Variants in KPNA3 observed in about 807,000 individuals in gnomAD.
KPNA3 encodes importin subunit alpha-4.
In KPNA3, 13 loss-of-function variants were observed where a neutral mutation model predicts 73.8. The ratio of observed to expected loss-of-function variants is 0.18; its 90% CI spans 0.11 to 0.28. The LOEUF is 0.28. KPNA3 is among the 10% of genes least tolerant of loss of function. KPNA3 has a pLI of 1.00. For missense variants in KPNA3, 360 were observed against 618.1 expected (o/e 0.58, Z 4.43); for synonymous variants, 186 against 206.9 (o/e 0.90, Z 0.87).
chr13:49,760,522 C>A (rs1278509952), intron 1 of KPNA3, among the ~76,000 whole-genome samples: 1 of 151,892 alleles, frequency 6.6e-6, no homozygotes, highest in African/African-American at 2.4e-5. Context: ...ATTAAGAGAC[C>A]ATAAATTAAA....
chr13:49,718,319 A>T (rs1954323968), intron 10 of KPNA3, among the ~76,000 whole-genome samples: 1 of 152,148 alleles, frequency 6.6e-6, no homozygotes, highest in South Asian at 2.1e-4. Flanking sequence ...ATGTCTTATC[A>T]CTGAGTGTAC....
intron 10 of KPNA3, among the ~76,000 whole-genome samples, chr13:49,713,360 ATAC>A (rs558386926): frequency 6.6e-6 from 1 of 150,860 alleles, no homozygotes; most frequent in African/African-American, 2.4e-5. Context: ...AGGTTTTAAC[ATAC>A]TACTGTCATA....
Position 49,732,664 on chromosome 13 carries a change from T to C in KPNA3, c.235-7A>G, listed in dbSNP as rs1954480895. 3.1e-6 allele frequency: 5 copies of C among 1,602,696 alleles called. No individual in the cohort carries two copies. The highest frequency in any genetic ancestry group is 4.3e-6 in the Non-Finnish European group (5 of 1,175,740). Reference sequence around the variant, plus strand: ...GGTTATCACTTGTGGCATTCTGCAATACCAAATGTAAATTTCAGAAATGAA... The same window carrying C: ...GGTTATCACTTGTGGCATTCTGCAACACCAAATGTAAATTTCAGAAATGAA... On this transcript the variant is annotated splice_region_variant and splice_polypyrimidine_tract_variant and intron_variant, in intron 4 of 16. Transcript: ENST00000261667.
At position 49,748,108 on chromosome 13, in the gene KPNA3, T is replaced by C. The variant is rs147132858; in HGVS notation, c.70-1115A>G. On this transcript the variant is annotated intron_variant, in intron 1 of 16. Coordinates refer to ENST00000261667, the MANE Select transcript of KPNA3 (RefSeq NM_002267.4). The stretch of plus-strand genomic sequence containing the variant: ...ACTTGCTCAATTCCCAGTTCTTCCA[T>C]TTCTCTACTCATCTTATGAACTACC... 3.2e-4 allele frequency among the ~76,000 whole-genome samples: 48 copies of C among 152,330 alleles called. 1 individual carries two copies. The East Asian group carries it at 8.1e-3, about 26-fold the overall frequency.
Position 49,776,070 on chromosome 13 carries a change from TTTTA to T in KPNA3, c.69+16364_69+16367del, listed in dbSNP as rs1954896079. On this transcript the variant is annotated intron_variant, in intron 1 of 16. Transcript: ENST00000261667. ...CAAATATCCAGCCCCTATCGAACTTTTTTATTTTTTATTTTTGTATTGTTAGTAG... is the reference window on the plus strand; with the variant it reads ...CAAATATCCAGCCCCTATCGAACTTTTTTTTTATTTTTGTATTGTTAGTAG... 2.6e-5 allele frequency among the ~76,000 whole-genome samples: 4 copies of T among 152,228 alleles called. No homozygotes were observed. The South Asian group carries it at 8.3e-4, about 32-fold the overall frequency.
intron 12 of KPNA3, among the ~76,000 whole-genome samples, chr13:49,707,492 G>C (rs1000186303): frequency 6.6e-6 from 1 of 152,126 alleles, no homozygotes; most frequent in Non-Finnish European, 1.5e-5. Context: ...CAAAATGCAA[G>C]TAACAAATTT....
chr13:49,705,397 A>AGGCT (rs1954198753), intron 15 of KPNA3, among the ~76,000 whole-genome samples: 2 of 152,048 alleles, frequency 1.3e-5, no homozygotes, highest in South Asian at 4.1e-4. Flanking sequence ...AATCTCTAGA[A>AGGCT]GGCTATACAG....
chr13:49,718,397 C>G (rs943938626), intron 10 of KPNA3, among the ~76,000 whole-genome samples: 1 of 152,120 alleles, frequency 6.6e-6, no homozygotes, highest in Non-Finnish European at 1.5e-5. Flanking sequence ...GACTAATATA[C>G]CTGTAACTAC....
chr13:49,745,179 A>G (rs920905180), intron 2 of KPNA3, among the ~76,000 whole-genome samples: 3 of 152,182 alleles, frequency 2.0e-5, no homozygotes, highest in Admixed American at 6.5e-5. Context: ...GCTTCTGGCA[A>G]TATTGTTGTA....
At chr13:49,770,460 G>T (rs964663291) in intron 1 of KPNA3, among the ~76,000 whole-genome samples, 1 of 152,026 alleles carries the variant, frequency 6.6e-6, no homozygotes, top group Non-Finnish European at 1.5e-5. Flanking sequence ...ACAGGTGTGA[G>T]CGAGCCACTA....
chr13:49,740,587 T>A (rs1954564645), intron 2 of KPNA3, among the ~76,000 whole-genome samples: 2 of 152,300 alleles, frequency 1.3e-5, no homozygotes, highest in African/African-American at 2.4e-5. Context: ...ATATGGGATG[T>A]GCCTTTCACC....
At position 49,783,031 on chromosome 13, in the gene KPNA3, T is replaced by C. The variant is rs115712776; in HGVS notation, c.69+9407A>G. Among the ~76,000 whole-genome samples the C allele has an allele frequency of 7.8e-3, 1,180 of 151,924 alleles. 15 individuals are homozygous for C. Among genetic ancestry groups the C allele is most frequent in the African/African-American group, 0.027 (1,117 of 41,384 alleles). On this transcript the variant is annotated intron_variant, in intron 1 of 16. Coordinates refer to ENST00000261667, the MANE Select transcript of KPNA3 (RefSeq NM_002267.4). ...GCAAGGGAAGGACAAGCCAAAAAAATTAAGAAGAGCAAAAACTCCACAAGC... is the reference window on the plus strand; with the variant it reads ...GCAAGGGAAGGACAAGCCAAAAAAACTAAGAAGAGCAAAAACTCCACAAGC...
In KPNA3 at chr13:49,732,907, A is replaced by C. The variant is rs374469954; in HGVS notation, c.204+50T>G. 5.6e-5 allele frequency: 78 copies of C among 1,404,548 alleles called. No individual in the cohort carries two copies. The Middle Eastern group carries it at 1.1e-3, about 20-fold the overall frequency. 87.0% of individuals were successfully genotyped at this position (1,404,548 alleles called of 1,614,324 possible). ...CTTATATTAAAAATGAAGTTCTCACAGTTACTATAAAAATTATTTTAAAAT... is the reference window on the plus strand; with the variant it reads ...CTTATATTAAAAATGAAGTTCTCACCGTTACTATAAAAATTATTTTAAAAT... On this transcript the variant is annotated intron_variant, in intron 3 of 16. Coordinates refer to ENST00000261667, the MANE Select transcript of KPNA3 (RefSeq NM_002267.4).
chr13:49,739,149 G>A (rs1469166228), intron 2 of KPNA3, among the ~76,000 whole-genome samples: 4 of 152,136 alleles, frequency 2.6e-5, no homozygotes, highest in African/African-American at 9.7e-5. Flanking sequence ...AAGCAAGTGG[G>A]GCACTTGGGT....
chr13:49,732,152 T>C (rs1241145343), intron 6 of KPNA3, among the ~76,000 whole-genome samples: 4 of 152,140 alleles, frequency 2.6e-5, no homozygotes, highest in Admixed American at 1.3e-4. Context: ...AAACAGGAGA[T>C]AAAAATTTCC....
chr13:49,786,299 C>G (rs1355655566), intron 1 of KPNA3, among the ~76,000 whole-genome samples: 2 of 152,198 alleles, frequency 1.3e-5, no homozygotes, highest in African/African-American at 4.8e-5. Flanking sequence ...TATCTATTCT[C>G]ACTGAGCTTC....
intron 1 of KPNA3, among the ~76,000 whole-genome samples, chr13:49,770,218 C>T (rs1478797494): frequency 7.5e-6 from 1 of 132,680 alleles, no homozygotes; most frequent in African/African-American, 2.9e-5. Context: ...CAGGGTCTCA[C>T]TCTGATGCCC....
Position 49,704,480 on chromosome 13 carries a change from A to C in KPNA3, c.1372+1141T>G, listed in dbSNP as rs918369059. Among the ~76,000 whole-genome samples, 7 of 104,514 alleles carry C rather than the reference A, an allele frequency of 6.7e-5. No homozygotes were observed. The South Asian group carries it at 2.1e-3, about 32-fold the overall frequency. 68.6% of individuals were successfully genotyped at this position (104,514 alleles called of 152,430 possible). ...AAATAAATAAATAAATAAATAAATAAATAGAAAGAAAGAAATCCTCCCAGT... is the reference window on the plus strand; with the variant it reads ...AAATAAATAAATAAATAAATAAATACATAGAAAGAAAGAAATCCTCCCAGT... On this transcript the variant is annotated intron_variant, in intron 15 of 16. Transcript: ENST00000261667.
intron 10 of KPNA3, among the ~76,000 whole-genome samples, chr13:49,711,490 G>A (rs1322522971): frequency 6.6e-6 from 1 of 152,192 alleles, no homozygotes; most frequent in Non-Finnish European, 1.5e-5. Flanking sequence ...GGCTACTAAA[G>A]TAAACCAATA....
Sources: allele counts gnomAD v4.1 joint callset (sites outside exome capture counted in the v4.1 genomes callset), GRCh38; gene constraint gnomAD v4.1.1; transcripts MANE v1.5; gene names NCBI Gene and HGNC (gene_info 2026-07-23, HGNC 2026-07-21).